TAFA1: variants seen among roughly 807,000 people sequenced by gnomAD.
TAFA1 encodes the protein chemokine-like protein TAFA-1.
In TAFA1, 4 loss-of-function variants were observed where a neutral mutation model predicts 18.5. The ratio of observed to expected loss-of-function variants is 0.22; its 90% CI spans 0.11 to 0.49. The LOEUF (loss-of-function observed/expected upper bound fraction) is 0.49. TAFA1 is among the 20% of genes least tolerant of loss of function. TAFA1 has a pLI of 0.98. For synonymous variants in TAFA1, 56 were observed against 55.2 expected (o/e 1.01, Z -0.06); for missense variants, 147 against 169.0 (o/e 0.87, Z 0.72).
chr3:68,417,260 T>C lies in TAFA1; in HGVS notation c.119-20T>C, dbSNP rs762381689. On this transcript the variant is annotated intron_variant, in intron 2 of 4. Coordinates refer to ENST00000478136, the MANE Select transcript of TAFA1 (RefSeq NM_213609.4). ...CTGAGTTATTTCTAATCAGTGTCCCTGTTCTTTCTCTCTTGCCAGAAGGAG... is the reference window on the plus strand; with the variant it reads ...CTGAGTTATTTCTAATCAGTGTCCCCGTTCTTTCTCTCTTGCCAGAAGGAG... 1.9e-6 allele frequency: 3 copies of C among 1,611,644 alleles called. No individual in the cohort carries two copies. Among genetic ancestry groups the C allele is most frequent in the Non-Finnish European group, 8.5e-7 (1 of 1,178,536 alleles).
chr3:68,059,288 C>CG (rs2064573504), intron 2 of TAFA1, among the ~76,000 whole-genome samples: 3 of 151,868 alleles, frequency 2.0e-5, no homozygotes, highest in Non-Finnish European at 4.4e-5. Flanking sequence ...ACACACACAC[C>CG]AGAAATGTTA....
At chr3:68,117,822 A>C (rs930086479) in intron 2 of TAFA1, among the ~76,000 whole-genome samples, 1 of 152,254 alleles carries the variant, frequency 6.6e-6, no homozygotes, top group African/African-American at 2.4e-5. Flanking sequence ...TTATGTGGCC[A>C]GTACATTTTT....
intron 2 of TAFA1, among the ~76,000 whole-genome samples, chr3:68,098,620 A>C (rs1240628310): frequency 6.6e-6 from 1 of 152,102 alleles, no homozygotes; most frequent in Non-Finnish European, 1.5e-5. Context: ...AGACGGACTT[A>C]TGCAAATTAT....
intron 2 of TAFA1, among the ~76,000 whole-genome samples, chr3:68,292,122 A>G (rs1344733227): frequency 6.6e-6 from 1 of 152,138 alleles, no homozygotes; most frequent in African/African-American, 2.4e-5. Context: ...TTCCCCTCAC[A>G]TATTCCATTA....
At chr3:68,299,668 C>T (rs1271044853) in intron 2 of TAFA1, among the ~76,000 whole-genome samples, 1 of 152,216 alleles carries the variant, frequency 6.6e-6, no homozygotes, top group Admixed American at 6.5e-5. Flanking sequence ...GGAAGTCCCT[C>T]CCATTACAGG....
chr3:68,130,118 G>T (rs1297322866), intron 2 of TAFA1, among the ~76,000 whole-genome samples: 1 of 152,050 alleles, frequency 6.6e-6, no homozygotes, highest in African/African-American at 2.4e-5. Flanking sequence ...CAGGAAAACC[G>T]GGCAGGCATT....
At chr3:68,084,754 C>A (rs143594785) in intron 2 of TAFA1, among the ~76,000 whole-genome samples, 4,440 of 150,858 alleles carry the variant, frequency 0.029, 224 homozygotes, top group African/African-American at 0.1. Context: ...GCCGAGATAG[C>A]GCCATTGCAC....
chr3:68,459,942 C>T (rs1354468155), intron 3 of TAFA1, among the ~76,000 whole-genome samples: 3 of 152,170 alleles, frequency 2.0e-5, no homozygotes, highest in East Asian at 1.9e-4. Flanking sequence ...AAGTAATTAA[C>T]GACCCTTTAC....
chr3:67,999,772 G>A (rs530335546), upstream of TAFA1, among the ~76,000 whole-genome samples: 1 of 151,464 alleles, frequency 6.6e-6, no homozygotes, highest in Non-Finnish European at 1.5e-5. Context: ...ACAGGACAAG[G>A]TGGTCACCCT....
intron 2 of TAFA1, among the ~76,000 whole-genome samples, chr3:68,342,351 G>C (rs574222003): frequency 6.6e-6 from 1 of 152,290 alleles, no homozygotes; most frequent in East Asian, 1.9e-4. Flanking sequence ...ATCCTGCTTA[G>C]AACTGATGAG....
intron 3 of TAFA1, among the ~76,000 whole-genome samples, chr3:68,430,305 G>A (rs1463673876): frequency 6.6e-6 from 1 of 151,944 alleles, no homozygotes; most frequent in Non-Finnish European, 1.5e-5. Context: ...ATGCAGAAAA[G>A]CCATGGGTTT....
At chr3:68,054,409 G>T (rs944076535) in intron 2 of TAFA1, among the ~76,000 whole-genome samples, 2 of 152,174 alleles carry the variant, frequency 1.3e-5, no homozygotes, top group Non-Finnish European at 2.9e-5. Flanking sequence ...ACCTTCTGTT[G>T]TGAGTGGAAG....
intron 2 of TAFA1, among the ~76,000 whole-genome samples, chr3:68,387,426 A>AT (rs1559646143): frequency 2.6e-5 from 4 of 152,000 alleles, no homozygotes; most frequent in Non-Finnish European, 1.5e-5. Context: ...GTATTTATTT[A>AT]TTTTTTACAT....
At chr3:68,117,126 G>T (rs9821459) in intron 2 of TAFA1, among the ~76,000 whole-genome samples, 135,035 of 152,216 alleles carry the variant, frequency 0.89, 60,282 homozygotes, top group South Asian at 0.95. Context: ...TTCCATGTTA[G>T]CCTTAATTAA....
At chr3:68,248,372 G>A (rs1277335929) in intron 2 of TAFA1, among the ~76,000 whole-genome samples, 4 of 152,010 alleles carry the variant, frequency 2.6e-5, no homozygotes, top group African/African-American at 9.7e-5. Flanking sequence ...TATAATTGTA[G>A]ATCATTAGTG....
At chr3:68,329,589 TC>T (rs1372449504) in intron 2 of TAFA1, among the ~76,000 whole-genome samples, 1 of 152,180 alleles carries the variant, frequency 6.6e-6, no homozygotes, top group African/African-American at 2.4e-5. Context: ...CAAACAAGAC[TC>T]TTGTGAATTT....
intron 3 of TAFA1, among the ~76,000 whole-genome samples, chr3:68,514,516 A>G (rs189658531): frequency 1.0e-3 from 157 of 152,236 alleles, no homozygotes; most frequent in African/African-American, 3.6e-3. Context: ...ATGCCATTCA[A>G]CTGATTTAAA....
At chr3:68,285,726 T>C (rs1314307873) in intron 2 of TAFA1, among the ~76,000 whole-genome samples, 3 of 151,930 alleles carry the variant, frequency 2.0e-5, no homozygotes, top group Non-Finnish European at 4.4e-5. Flanking sequence ...GGGTCCTGAC[T>C]TTTTTTTAAA....
rs749877780 is a variant in TAFA1 at position 68,370,472 on chromosome 3, GTATATATATATATATATATA to G, written c.119-46783_119-46764del. ...TATATATATGTGTGTGTGTGTGTGT[GTATATATATATATATATATA>G]TATATATATATATATATATATATAC... On this transcript the variant is annotated intron_variant, in intron 2 of 4. Coordinates refer to ENST00000478136, the MANE Select transcript of TAFA1 (RefSeq NM_213609.4). Among the ~76,000 whole-genome samples the G allele has an allele frequency of 8.5e-3, 282 of 33,032 alleles. 4 individuals are homozygous for G. The highest frequency in any genetic ancestry group is 0.032 in the African/African-American group (241 of 7,560). 21.7% of individuals were successfully genotyped at this position (33,032 alleles called of 152,430 possible).
Sources: gnomAD v4.1 joint callset for allele counts (sites outside exome capture counted in the v4.1 genomes callset) on GRCh38, gnomAD v4.1.1 for gene constraint, MANE v1.5 for transcripts, NCBI Gene and HGNC (gene_info 2026-07-23, HGNC 2026-07-21) for gene names.